The following SMC4 variants were observed in gnomAD, a reference collection of about 807,000 sequenced individuals.
The protein encoded by SMC4 is structural maintenance of chromosomes protein 4.
In SMC4, 87 loss-of-function variants were observed where a neutral mutation model predicts 145.6. The ratio of observed to expected loss-of-function variants is 0.60; its 90% CI spans 0.50 to 0.71. The LOEUF (loss-of-function observed/expected upper bound fraction) is 0.71. Among genes scored for constraint, SMC4 ranks in the 30% least tolerant of loss-of-function variants. The pLI, the probability that SMC4 is intolerant of heterozygous loss-of-function variation, is 0.00. For missense variants in SMC4, 1,447 were observed against 1,537.1 expected, an observed-to-expected ratio of 0.94 and a Z score of 0.98; for synonymous variants, 558 against 500.7, an observed-to-expected ratio of 1.11 and a Z score of -1.53.
At chr3:160,415,816 G>T (rs1040198402) in intron 9 of SMC4, among the ~76,000 whole-genome samples, 1 of 152,362 alleles carries the variant, frequency 6.6e-6, no homozygotes, top group African/African-American at 2.4e-5. Flanking sequence ...AGCCCTACAT[G>T]ATGACTCTGG....
chr3:160,432,740 G>A lies in SMC4; in HGVS notation c.3530+225G>A, dbSNP rs1018494615. 1.7e-5 allele frequency: 9 copies of A among 523,434 alleles called. No individual in the cohort carries two copies. The African/African-American group carries it at 1.7e-4, about 10-fold the overall frequency. The allele number at this position is 523,434 out of a possible 1,614,324, so 32.4% of individuals were successfully genotyped here. On this transcript the variant is annotated intron_variant, in intron 22 of 23. Transcript: ENST00000357388. ...GTTCATCTTTTCTTAAATTTTCAAG[G>A]CATTTTTAACATGAGGATTGAGAAA...
In SMC4 at chr3:160,417,127, A is replaced by G. The variant is rs78655878; in HGVS notation, c.1438-596A>G. ...ACAGTGCTAAGCATGTTAAATACCT[A>G]TGTTAATGGATAATGGTAATTGACT... On this transcript the variant is annotated intron_variant, in intron 10 of 23. Coordinates refer to ENST00000357388, the MANE Select transcript of SMC4 (RefSeq NM_001002800.3). Among the ~76,000 whole-genome samples, 1,068 of 152,254 alleles carry G rather than the reference A, an allele frequency of 7.0e-3. 11 individuals carry two copies. The highest frequency in any genetic ancestry group is 0.024 in the African/African-American group (997 of 41,552).
At chr3:160,406,996 G>T (rs1439040439) in intron 5 of SMC4, among the ~76,000 whole-genome samples, 2 of 152,112 alleles carry the variant, frequency 1.3e-5, no homozygotes, top group African/African-American at 4.8e-5. Flanking sequence ...CCTCGGTCCC[G>T]TTGTAAGTCT....
chr3:160,404,298 G>C, intron 4 of SMC4, 30 bp from the exon 5 acceptor site: 13 of 1,580,680 alleles, frequency 8.2e-6, no homozygotes, highest in Non-Finnish European at 1.1e-5. Flanking sequence ...ACCAACAATT[G>C]TTTTCTGGTT....
rs1194382144 is a variant in SMC4 at position 160,429,711 on chromosome 3, G to GTT, written c.2795+787_2795+788dup. Among the ~76,000 whole-genome samples the GTT allele has an allele frequency of 8.5e-4, 108 of 127,666 alleles. 2 individuals are homozygous for GTT. Among genetic ancestry groups the GTT allele is most frequent in the Admixed American group, 9.7e-4 (12 of 12,368 alleles). The allele number at this position is 127,666 out of a possible 152,430, so 83.8% of individuals were successfully genotyped here. A position where few individuals can be genotyped will look rare whatever the true frequency, so the allele number is the denominator to read the frequency against. Reference sequence around the variant, plus strand: ...TAAAAAAAAAGATTTATCTACTTAGGTTTTTTTTTTTTTTTTTTTCTTTTT... The same window carrying GTT: ...TAAAAAAAAAGATTTATCTACTTAGGTTTTTTTTTTTTTTTTTTTTTCTTTTT... On this transcript the variant is annotated intron_variant, in intron 18 of 23. Coordinates refer to ENST00000357388, the MANE Select transcript of SMC4 (RefSeq NM_001002800.3).
At chr3:160,405,489 A>G (rs1715228520) in intron 5 of SMC4, among the ~76,000 whole-genome samples, 1 of 152,048 alleles carries the variant, frequency 6.6e-6, no homozygotes, top group Non-Finnish European at 1.5e-5. Flanking sequence ...GGGTGACTGG[A>G]TGTTCCTAAT....
chr3:160,427,011 A>G (rs1332588909), intron 17 of SMC4, among the ~76,000 whole-genome samples: 1 of 152,198 alleles, frequency 6.6e-6, no homozygotes, highest in East Asian at 1.9e-4. Context: ...CGATTATCCA[A>G]CTGCTCCAAA....
intron 17 of SMC4, among the ~76,000 whole-genome samples, chr3:160,426,553 A>AGT (rs1717814290): frequency 1.3e-5 from 2 of 152,210 alleles, no homozygotes; most frequent in Non-Finnish European, 2.9e-5. Flanking sequence ...ACAGGGAATA[A>AGT]GTGGTATGCA....
chr3:160,403,062 G>T (rs1714886570), intron 4 of SMC4, among the ~76,000 whole-genome samples, 195 bp downstream of exon 4: 1 of 152,130 alleles, frequency 6.6e-6, no homozygotes, highest in South Asian at 2.1e-4. Context: ...CTAAAGAAAT[G>T]AAGTATAAAT....
chr3:160,409,006 G>GAATGTTATA (rs1715655167), intron 5 of SMC4, among the ~76,000 whole-genome samples: 1 of 151,984 alleles, frequency 6.6e-6, no homozygotes, highest in South Asian at 2.1e-4. Context: ...TCTTAAGACT[G>GAATGTTATA]CTGTAATCCC....
At position 160,414,373 on chromosome 3, in the gene SMC4, GAATA is replaced by G. The variant is rs1393459810; in HGVS notation, c.1131_1134del (p.Asn377LysfsTer16). 6.3e-7 allele frequency: 1 copy of G among 1,595,548 alleles called. No individual in the cohort carries two copies. ...AATATACTTGCTTTGCTAGGAAACT[GAATA>G]AAATTACAAAATTTATTGAGGAGAA... On this transcript the variant is annotated frameshift_variant, in exon 9 of 24. Coordinates refer to ENST00000357388, the MANE Select transcript of SMC4 (RefSeq NM_001002800.3). LOFTEE classifies it high-confidence loss of function.
In SMC4 at chr3:160,412,029, C is replaced by T; in HGVS notation, c.797C>T (p.Pro266Leu). 1 of 1,613,530 alleles carries T rather than the reference C, an allele frequency of 6.2e-7. No individual in the cohort carries two copies. The highest frequency in any genetic ancestry group is 8.5e-7 in the Non-Finnish European group (1 of 1,179,732). Residue 266 changes from proline to leucine, a missense_variant, in exon 6 of 24, where the codon CCT becomes CTT. Coordinates refer to ENST00000357388, the MANE Select transcript of SMC4 (RefSeq NM_001002800.3). Reference protein sequence around the residue: ...DIIGCGRLNEPIKVLCRRVEI... With the variant: ...DIIGCGRLNELIKVLCRRVEI... ...ATTGGTTGTGGACGGCTAAATGAACCTATTAAAGTCTTGTGTCGGAGAGTT... is the reference window on the plus strand; with the variant it reads ...ATTGGTTGTGGACGGCTAAATGAACTTATTAAAGTCTTGTGTCGGAGAGTT...
At chr3:160,416,062 T>C (rs1340243730) in intron 9 of SMC4, among the ~76,000 whole-genome samples, 189 bp from the exon 10 acceptor site, 12 of 152,282 alleles carry the variant, frequency 7.9e-5, no homozygotes, top group Non-Finnish European at 1.8e-4. Flanking sequence ...GTTTTACTAT[T>C]AGATTGAGAG....
intron 9 of SMC4, 50 bp from the exon 10 acceptor site, chr3:160,416,201 A>G (rs2108475094): frequency 7.5e-7 from 1 of 1,329,776 alleles, no homozygotes; most frequent in East Asian, 2.4e-5. Flanking sequence ...TATTGATAGT[A>G]TTGGGTAACA....
intron 5 of SMC4, among the ~76,000 whole-genome samples, chr3:160,409,309 G>A (rs1301439512): frequency 1.4e-5 from 2 of 144,970 alleles, no homozygotes; most frequent in African/African-American, 5.1e-5. Context: ...ATGTTATACA[G>A]GAGTTGAGAT....
intron 7 of SMC4, 31 bp downstream of exon 7, chr3:160,412,484 T>C (rs992294243): frequency 4.5e-6 from 7 of 1,570,468 alleles, no homozygotes; most frequent in Non-Finnish European, 6.0e-6. Context: ...TACCAATTTT[T>C]ATATTAGTTT....
At chr3:160,432,568 C>G (rs1718527081) in intron 22 of SMC4, 53 bp downstream of exon 22, 5 of 1,142,988 alleles carry the variant, frequency 4.4e-6, no homozygotes, top group African/African-American at 1.6e-5. Flanking sequence ...TCTACATATT[C>G]TCCAAACTCA....
At chr3:160,432,587 T>G in intron 22 of SMC4, 72 bp downstream of exon 22, 2 of 1,016,832 alleles carry the variant, frequency 2.0e-6, no homozygotes, top group Non-Finnish European at 2.8e-6. Flanking sequence ...CAGTATTTCT[T>G]GGAGGTAGGA....
chr3:160,404,823 G>T, intron 5 of SMC4: 1 of 528,760 alleles, frequency 1.9e-6, no homozygotes, highest in Non-Finnish European at 3.8e-6. Flanking sequence ...GCTTTAGTGT[G>T]ACAGGGATAC....
Sources: allele counts gnomAD v4.1 joint callset (sites outside exome capture counted in the v4.1 genomes callset), GRCh38; gene constraint gnomAD v4.1.1; transcripts MANE v1.5; gene names NCBI Gene and HGNC (gene_info 2026-07-23, HGNC 2026-07-21).